The following KCP variants were observed in gnomAD, a reference collection of about 807,000 sequenced individuals.
KCP encodes kielin cysteine rich BMP regulator.
A neutral mutation model predicts 212.7 loss-of-function variants in KCP; 194 were observed. The ratio of observed to expected loss-of-function variants is 0.91; its 90% CI spans 0.81 to 1.03. The LOEUF (loss-of-function observed/expected upper bound fraction) is 1.03. KCP is among the 50% of genes least tolerant of loss of function. The pLI, the probability that KCP is intolerant of heterozygous loss-of-function variation, is 0.00. For synonymous variants in KCP, 833 were observed against 865.3 expected (o/e 0.96, Z 0.65); for missense variants, 2,080 against 2,162.5 (o/e 0.96, Z 0.76).
At chr7:128,887,380 T>A in intron 22 of KCP, 80 bp from the exon 23 acceptor site, 1 of 1,071,522 alleles carries the variant, frequency 9.3e-7, no homozygotes, top group Non-Finnish European at 1.4e-6. Flanking sequence ...CCCCTCCCCC[T>A]CCACACATAC....
intron 1 of KCP, among the ~76,000 whole-genome samples, chr7:128,908,815 G>A (rs1269591967): frequency 1.3e-5 from 2 of 152,214 alleles, no homozygotes; most frequent in Non-Finnish European, 2.9e-5. Context: ...TTTTCAGGGA[G>A]AACATGAGCA....
rs1339695004 is a variant in KCP at position 128,906,359 on chromosome 7, C to A, written c.491G>T (p.Gly164Val). Residue 164 changes from glycine to valine, a missense_variant, in exon 5 of 40, where the codon GGT becomes GTT. Gly to Val is a moderately radical substitution (Grantham distance 109, BLOSUM62 -3). Coordinates refer to ENST00000610776, the MANE Select transcript of KCP (RefSeq NM_001366122.1). ...DACTTCRCLE[G>V]TITCNQKPCP... ...TGGCTTCTGGTTGCAAGTGATGGTA[C>A]CTTCCTGTGGGAGCAGACTGAGGTG... is the stretch of plus-strand genomic sequence containing the variant. The A allele has an allele frequency of 1.9e-6, 3 of 1,548,670 alleles. No homozygotes were observed. The highest frequency in any genetic ancestry group is 1.4e-5 in the African/African-American group (1 of 73,064).
At chr7:128,879,192 C>A in intron 37 of KCP, 1 of 411,126 alleles carries the variant, frequency 2.4e-6, no homozygotes, top group Non-Finnish European at 4.4e-6. Context: ...GAGACACCCC[C>A]CCAGGAGACT....
intron 37 of KCP, chr7:128,878,950 C>T: frequency 1.9e-6 from 1 of 525,596 alleles, no homozygotes. Context: ...CTGCCCACAG[C>T]TCCTGCATGA....
intron 5 of KCP, 110 bp from the exon 6 acceptor site, chr7:128,904,248 G>A (rs1299905546): frequency 1.3e-6 from 2 of 1,542,354 alleles, no homozygotes; most frequent in East Asian, 2.4e-5. Context: ...GGGTTGAAGG[G>A]ATGGCGGGGC....
chr7:128,885,143 G>A lies in KCP; in HGVS notation c.2994C>T (p.Cys998=), dbSNP rs754384968. The part of the protein sequence containing the change: ...TCARIQCISS[C]AQPRQGPHDC... The stretch of plus-strand genomic sequence containing the variant: ...CATGGGGCCCTTGGCGGGGCTGGGC[G>A]CAAGAGCTGATGCACTGGATGCGTG... Residue 998 remains cysteine (C), a synonymous_variant, in exon 27 of 40, where the codon TGC becomes TGT. Coordinates refer to ENST00000610776, the MANE Select transcript of KCP (RefSeq NM_001366122.1). The A allele has an allele frequency of 1.1e-5, 17 of 1,550,704 alleles. No homozygotes were observed. The highest frequency in any genetic ancestry group is 4.9e-5 in the East Asian group (2 of 40,934).
intron 38 of KCP, 58 bp downstream of exon 38, chr7:128,878,500 A>T: frequency 6.7e-7 from 1 of 1,494,780 alleles, no homozygotes; most frequent in Non-Finnish European, 9.0e-7. Flanking sequence ...GGTTGCTCTG[A>T]GACTCATGCT....
chr7:128,892,819 T>TG, intron 14 of KCP, 25 bp from the exon 15 acceptor site: 20 of 1,551,070 alleles, frequency 1.3e-5, no homozygotes, highest in Non-Finnish European at 1.5e-5. Context: ...CTGGTCAGGG[T>TG]GAGCTGGGTA....
chr7:128,908,916 C>T (rs1349912292), intron 1 of KCP, among the ~76,000 whole-genome samples: 1 of 152,160 alleles, frequency 6.6e-6, no homozygotes, highest in African/African-American at 2.4e-5. Flanking sequence ...CGCCCCCAAC[C>T]CTGAGCACGG....
intron 8 of KCP, among the ~76,000 whole-genome samples, chr7:128,901,437 T>C (rs1585246748): frequency 6.6e-6 from 1 of 152,054 alleles, no homozygotes; most frequent in East Asian, 1.9e-4. Context: ...CCATCCTGGC[T>C]AACACAGTGA....
intron 2 of KCP, among the ~76,000 whole-genome samples, chr7:128,908,169 A>G (rs1209140641): frequency 2.6e-4 from 39 of 148,220 alleles, no homozygotes; most frequent in African/African-American, 9.1e-4. Flanking sequence ...AAGAGAGAAG[A>G]AGGATGGAAG....
chr7:128,890,532 G>C lies in KCP; in HGVS notation c.2165-19C>G. The C allele has an allele frequency of 6.5e-7, 1 of 1,540,314 alleles. No homozygotes were observed. The highest frequency in any genetic ancestry group is 8.7e-7 in the Non-Finnish European group (1 of 1,143,354). The stretch of plus-strand genomic sequence containing the variant: ...AGGCAGCCTGGGGAGAAGGGCAGGG[G>C]CTGGGGGGCCGTGGGGACTAGAGGG... On this transcript the variant is annotated intron_variant, in intron 20 of 39. Transcript: ENST00000610776.
chr7:128,890,204 G>T, intron 21 of KCP, 139 bp downstream of exon 21: 1 of 1,500,408 alleles, frequency 6.7e-7, no homozygotes, highest in South Asian at 1.3e-5. Context: ...ACAGGCTTCA[G>T]CTAGGGCTCC....
At position 128,893,032 on chromosome 7, in the gene KCP, G is replaced by A. The variant is rs371810484; in HGVS notation, c.1268-11C>T. 3.2e-4 allele frequency: 289 copies of A among 896,066 alleles called. 1 individual carries two copies. The highest frequency in any genetic ancestry group is 3.8e-4 in the Non-Finnish European group (206 of 548,356). The allele number at this position is 896,066 out of a possible 1,614,324, so 55.5% of individuals were successfully genotyped here. A position where few individuals can be genotyped will look rare whatever the true frequency, so the allele number is the denominator to read the frequency against. Reference sequence around the variant, plus strand: ...CATCCAGCTCACAGGCTGTAGTAAGGGGGCTGTCACATGGCAGCCTACACA... The same window carrying A: ...CATCCAGCTCACAGGCTGTAGTAAGAGGGCTGTCACATGGCAGCCTACACA... On this transcript the variant is annotated splice_polypyrimidine_tract_variant and intron_variant, in intron 13 of 39. Transcript: ENST00000610776.
At chr7:128,906,231 C>T (rs1795111182) in intron 5 of KCP, 48 bp downstream of exon 5, 2 of 1,454,962 alleles carry the variant, frequency 1.4e-6, no homozygotes, top group Non-Finnish European at 1.9e-6. Context: ...TGTCTGTGGG[C>T]CAGAGAAGGC....
At chr7:128,904,182 G>A (rs1795006298) in intron 5 of KCP, 44 bp from the exon 6 acceptor site, 1 of 1,534,574 alleles carries the variant, frequency 6.5e-7, no homozygotes, top group Non-Finnish European at 8.8e-7. Flanking sequence ...CAGGCAGCAG[G>A]GTGGGTGGAC....
chr7:128,884,945 G>T, intron 27 of KCP, 82 bp from the exon 28 acceptor site: 1 of 1,483,196 alleles, frequency 6.7e-7, no homozygotes, highest in Non-Finnish European at 9.2e-7. Flanking sequence ...TCTATCTCCA[G>T]CCTCCCCCTG....
chr7:128,889,038 G>A lies in KCP; in HGVS notation c.2337C>T (p.Gly779=). The A allele has an allele frequency of 6.7e-7, 1 of 1,496,784 alleles. No homozygotes were observed. Among genetic ancestry groups the A allele is most frequent in the Non-Finnish European group, 8.9e-7 (1 of 1,118,718 alleles). 92.7% of individuals were successfully genotyped at this position (1,496,784 alleles called of 1,614,324 possible). The change falls in exon 22 of 40, where the codon GGC becomes GGT. Residue 779 remains glycine, a splice_region_variant and synonymous_variant. Coordinates refer to ENST00000610776, the MANE Select transcript of KCP (RefSeq NM_001366122.1). ...ARGDCCPDCD[G]CEYLGESYLS... is the part of the protein sequence containing the mutation. ...GGTAGGACTCCCCCAGGTACTCACA[G>A]CCTTTCAGAGAAGAGACAGAGAGGC...
rs1433178164 is a variant in KCP at position 128,880,054 on chromosome 7, C to T, written c.3791G>A (p.Cys1264Tyr). 2 of 1,546,790 alleles carry T rather than the reference C, an allele frequency of 1.3e-6. No homozygotes were observed. The highest frequency in any genetic ancestry group is 2.0e-5 in the Admixed American group (1 of 50,902). ...DKAPALSPGS[C>Y]CPRCLPRPAS... ...GGGCCGAGGCAGGCAGCGGGGGCAG[C>T]AGCTGCCAGGACTCAGGGCAGGGGC... Residue 1264 changes from cysteine (C) to tyrosine (Y), a missense_variant, in exon 35 of 40, where the codon TGC (cysteine) becomes TAC (tyrosine). Transcript: ENST00000610776.
Sources: allele counts gnomAD v4.1 joint callset (sites outside exome capture counted in the v4.1 genomes callset), GRCh38; gene constraint gnomAD v4.1.1; transcripts MANE v1.5; gene names NCBI Gene and HGNC (gene_info 2026-07-23, HGNC 2026-07-21).